Variants in BSCL2 observed in about 807,000 individuals in gnomAD.
BSCL2 encodes the protein seipin.
Under a neutral mutation model 57.4 loss-of-function variants are expected in BSCL2, and 41 were observed. The observed-to-expected ratio is 0.71, with a 90% CI of 0.56 to 0.93. The LOEUF is 0.93. BSCL2 is among the 40% of genes least tolerant of loss of function. The pLI is 0.00. For synonymous variants in BSCL2, 237 were observed against 227.3 expected (o/e 1.04, Z -0.38); for missense variants, 539 against 586.7 (o/e 0.92, Z 0.84).
In BSCL2 at chr11:62,705,456, G is replaced by A. The variant is rs746722132; in HGVS notation, c.249C>T (p.Val83=). ...ALLWAQEVGQ[V]LAGRARRLLL... is the part of the protein sequence containing the mutation. ...GCAGCCTGCGGGCACGGCCTGCCAA[G>A]ACTTGGCCCACCTCCTGGGCCCACA... Residue 83 remains valine, a synonymous_variant, in exon 2 of 11, where the codon GTC becomes GTT. Coordinates refer to ENST00000360796, the MANE Select transcript of BSCL2 (RefSeq NM_001122955.4). 2.5e-6 allele frequency: 4 copies of A among 1,614,146 alleles called. No individual in the cohort carries two copies. In the East Asian group the frequency reaches 8.9e-5, roughly 36 times the overall value.
rs2850596 is a variant in BSCL2, at chr11:62,692,594, T to C, written c.765+69A>G. On this transcript the variant is annotated intron_variant, in intron 5 of 10. Transcript: ENST00000360796. ...GTGATGTCTCCTGAGCCTGGAGGCT[T>C]CTCAGGTAGAATCCTGGGCTAATGG... 1,225,960 of 1,612,468 alleles carry C rather than the reference T, an allele frequency of 0.76. 467,155 individuals carry two copies. Among genetic ancestry groups the C allele is most frequent in the Admixed American group, 0.84 (50,426 of 60,002 alleles).
chr11:62,695,711 C>CA (rs398016310), intron 3 of BSCL2, among the ~76,000 whole-genome samples: 700 of 66,338 alleles, frequency 0.011, 15 homozygotes, highest in East Asian at 0.029. Context: ...AACTCTGTCT[C>CA]AAAAAAAAAA....
intron 3 of BSCL2, among the ~76,000 whole-genome samples, chr11:62,696,560 T>C (rs1945471143): frequency 6.6e-6 from 1 of 151,764 alleles, no homozygotes; most frequent in Non-Finnish European, 1.5e-5. Flanking sequence ...AGTCTATTAA[T>C]TCTTTTCTTT....
intron 1 of BSCL2, chr11:62,706,386 CGGCGGGGCGGGGCGGGACGG>C (rs2083536842): frequency 1.1e-6 from 1 of 922,464 alleles, no homozygotes; most frequent in Admixed American, 4.1e-5. Context: ...GGGTCCAGCA[CGGCGGGGCGGGGCGGGACGG>C]GGCGGAGCCT....
chr11:62,705,724 A>C (rs1024088493), intron 1 of BSCL2, 107 bp from the exon 2 acceptor site: 1 of 1,118,066 alleles, frequency 8.9e-7, no homozygotes, highest in Admixed American at 2.9e-5. Flanking sequence ...AGGATAGCAA[A>C]GTCATTGTTT....
rs971434171 is a variant in BSCL2 at position 62,690,900 on chromosome 11, G to T, written c.1073-33C>A. Reference sequence around the variant, plus strand: ...TCCAAAGAGGGAGAGGACAGGTTAGGGTTAGGGTGGCTGTGCCTGGACGGC... The same window carrying T: ...TCCAAAGAGGGAGAGGACAGGTTAGTGTTAGGGTGGCTGTGCCTGGACGGC... On this transcript the variant is annotated intron_variant, in intron 8 of 10. Coordinates refer to ENST00000360796, the MANE Select transcript of BSCL2 (RefSeq NM_001122955.4). 3.7e-6 allele frequency: 6 copies of T among 1,610,922 alleles called. No homozygotes were observed. In the East Asian group the frequency reaches 1.3e-4, roughly 36 times the overall value.
At chr11:62,691,636 T>G (rs1565143849) in intron 6 of BSCL2, among the ~76,000 whole-genome samples, 1 of 152,186 alleles carries the variant, frequency 6.6e-6, no homozygotes, top group Non-Finnish European at 1.5e-5. Flanking sequence ...GAGGGCCATA[T>G]GCCACAGCCT....
intron 4 of BSCL2, among the ~76,000 whole-genome samples, chr11:62,693,883 T>G (rs1311656336): frequency 6.6e-6 from 1 of 151,984 alleles, no homozygotes; most frequent in African/African-American, 2.4e-5. Flanking sequence ...GGCGCGATCT[T>G]GGCTCACCAC....
At chr11:62,706,247 C>A (rs1045373211) in intron 1 of BSCL2, 50 of 1,096,614 alleles carry the variant, frequency 4.6e-5, no homozygotes, top group African/African-American at 1.4e-4. Flanking sequence ...TGCCACAGGG[C>A]TGCCGACTCA....
intron 4 of BSCL2, 36 bp from the exon 5 acceptor site, chr11:62,692,833 G>A (rs368966870): frequency 1.2e-6 from 2 of 1,610,994 alleles, no homozygotes; most frequent in South Asian, 1.1e-5. Flanking sequence ...GGGGACAGGT[G>A]CATGCCAGAT....
chr11:62,707,574 G>A, upstream of BSCL2: 1 of 582,092 alleles, frequency 1.7e-6, no homozygotes, highest in African/African-American at 1.9e-5. Context: ...TGGGGGAGGG[G>A]CAGGCAGTGA....
chr11:62,707,272 C>G lies in BSCL2; in HGVS notation c.-77G>C, dbSNP rs886871071. On this transcript the variant is annotated 5_prime_UTR_variant, in exon 1 of 11. Transcript: ENST00000360796. The stretch of plus-strand genomic sequence containing the variant: ...CTAAAACGTGAAGTGGCGATCCAGA[C>G]GCTGATACCTGTGGCGCATCACATT... 5.7e-6 allele frequency: 7 copies of G among 1,226,054 alleles called. No individual in the cohort carries two copies. In the Admixed American group the frequency reaches 1.2e-4, roughly 21 times the overall value. The allele number at this position is 1,226,054 out of a possible 1,614,324, so 75.9% of individuals were successfully genotyped here.
intron 4 of BSCL2, 47 bp from the exon 5 acceptor site, chr11:62,692,844 C>A: frequency 6.2e-7 from 1 of 1,609,386 alleles, no homozygotes; most frequent in Non-Finnish European, 8.5e-7. Flanking sequence ...CATGCCAGAT[C>A]CCCATGACCC....
intron 3 of BSCL2, among the ~76,000 whole-genome samples, chr11:62,695,407 T>TA (rs779692168): frequency 0.011 from 1,506 of 136,188 alleles, 9 homozygotes; most frequent in South Asian, 0.025. Context: ...GGTAATGGGT[T>TA]AAAAAAAAAA....
intron 4 of BSCL2, among the ~76,000 whole-genome samples, chr11:62,693,807 C>A (rs1945373728): frequency 6.6e-6 from 1 of 151,788 alleles, no homozygotes; most frequent in South Asian, 2.1e-4. Flanking sequence ...GTTTTGTAAG[C>A]TGATTCCTTT....
At position 62,707,155 on chromosome 11, in the gene BSCL2, T is replaced by TC; in HGVS notation, c.40dup (p.Glu14GlyfsTer36). 6.4e-6 allele frequency: 10 copies of TC among 1,554,548 alleles called. No individual in the cohort carries two copies. Among genetic ancestry groups the TC allele is most frequent in the Non-Finnish European group, 7.8e-6 (9 of 1,147,850 alleles). ...GATCTGGTCTCCGCACACCTCTTTT[T>TC]CCCCAGCTTCCTCCTTTTGGTCTAC... is the stretch of plus-strand genomic sequence containing the variant. On this transcript the variant is annotated frameshift_variant, in exon 1 of 11. Coordinates refer to ENST00000360796, the MANE Select transcript of BSCL2 (RefSeq NM_001122955.4). LOFTEE classifies it high-confidence loss of function.
intron 8 of BSCL2, 94 bp downstream of exon 8, chr11:62,690,981 C>T (rs762273220): frequency 6.3e-7 from 1 of 1,581,166 alleles, no homozygotes; most frequent in East Asian, 2.2e-5. Flanking sequence ...GTCGGTGATA[C>T]CCTAAGCCTC....
rs768646836 is a variant in BSCL2, at chr11:62,690,505, T to C, written c.1251A>G (p.Glu417=). ...TGGCCTCCGTCAGCAAAGCTGCATC[T>C]TCCCAGGAGCCTGAACCTGGGCCAG... The part of the protein sequence containing the change: ...PEASDGSGSW[E]DAALLTEANL... The change falls in exon 11 of 11, where the codon GAA becomes GAG. Residue 417 remains glutamate (E), a synonymous_variant. Coordinates refer to ENST00000360796, the MANE Select transcript of BSCL2 (RefSeq NM_001122955.4). 100 of 1,614,038 alleles carry C rather than the reference T, an allele frequency of 6.2e-5. No individual in the cohort carries two copies. The highest frequency in any genetic ancestry group is 8.1e-5 in the Non-Finnish European group (96 of 1,180,028).
chr11:62,696,470 A>C (rs1320618613), intron 3 of BSCL2, among the ~76,000 whole-genome samples: 1 of 151,422 alleles, frequency 6.6e-6, no homozygotes, highest in African/African-American at 2.4e-5. Context: ...ATGCAACTAA[A>C]AATTTTTTTT....
Sources: allele counts gnomAD v4.1 joint callset (sites outside exome capture counted in the v4.1 genomes callset), GRCh38; gene constraint gnomAD v4.1.1; transcripts MANE v1.5; gene names NCBI Gene and HGNC (gene_info 2026-07-23, HGNC 2026-07-21).